The following NANS variants were observed in gnomAD, a reference collection of about 807,000 sequenced individuals.
The protein encoded by NANS is N-acetylneuraminate synthase, also known as N-acetylneuraminate-9-phosphate synthase.
A neutral mutation model predicts 33.3 loss-of-function variants in NANS; 29 were observed. The observed-to-expected ratio is 0.87, with a 90% CI of 0.65 to 1.19. The LOEUF (loss-of-function observed/expected upper bound fraction) is 1.19, where lower values mean the gene tolerates loss of function less well. Among genes scored for constraint, NANS ranks in the 50% most tolerant of loss-of-function variants. The probability of loss-of-function intolerance (pLI) is 0.00; values close to 1 mark genes in which losing one functional copy is unlikely to be tolerated. For missense variants in NANS, 394 were observed against 461.1 expected, an observed-to-expected ratio of 0.85 and a Z score of 1.33; for synonymous variants, 163 against 177.2, an observed-to-expected ratio of 0.92 and a Z score of 0.64.
chr9:98,080,460 G>T (rs988997939), intron 4 of NANS, among the ~76,000 whole-genome samples: 1 of 152,204 alleles, frequency 6.6e-6, no homozygotes, highest in Non-Finnish European at 1.5e-5. Flanking sequence ...AGCAGCTCAG[G>T]CTAATTAAAT....
intron 2 of NANS, among the ~76,000 whole-genome samples, chr9:98,065,248 A>G (rs957972271): frequency 2.0e-5 from 3 of 151,580 alleles, no homozygotes; most frequent in Non-Finnish European, 2.9e-5. Context: ...ACAGAGAATT[A>G]CAATGTTTAG....
In NANS at chr9:98,082,899, A is replaced by G. The variant is rs771389656; in HGVS notation, c.924A>G (p.Thr308=). ...KVKIPEGTIL[T]MDMLTVKVGE... ...AAATTCCGGAAGGCACCATTCTAACAATGGACATGCTCACCGTGAAGGTGG... is the reference window on the plus strand; with the variant it reads ...AAATTCCGGAAGGCACCATTCTAACGATGGACATGCTCACCGTGAAGGTGG... The change falls in exon 6 of 6, where the codon ACA becomes ACG. Residue 308 remains threonine (T), a synonymous_variant. Transcript: ENST00000210444. 18 of 1,614,048 alleles carry G rather than the reference A, an allele frequency of 1.1e-5. No individual in the cohort carries two copies. The East Asian group carries it at 2.7e-4, about 24-fold the overall frequency.
At chr9:98,076,865 C>A in intron 2 of NANS, 53 bp from the exon 3 acceptor site, 1 of 1,439,536 alleles carries the variant, frequency 6.9e-7, no homozygotes, top group Non-Finnish European at 9.7e-7. Flanking sequence ...CCTGTCATAA[C>A]AACAGTGTTT....
rs111627567 is a variant in NANS, at chr9:98,071,235, C to T, written c.349-5683C>T. On this transcript the variant is annotated intron_variant, in intron 2 of 5. Transcript: ENST00000210444. ...TATGATGGCACGACTGTATGGTACACACCTCAGCTGTATGGTACATACCCC... is the reference window on the plus strand; with the variant it reads ...TATGATGGCACGACTGTATGGTACATACCTCAGCTGTATGGTACATACCCC... Among the ~76,000 whole-genome samples, 862 of 152,328 alleles carry T rather than the reference C, an allele frequency of 5.7e-3. 5 individuals are homozygous for T. The highest frequency in any genetic ancestry group is 0.019 in the African/African-American group (775 of 41,576).
At chr9:98,077,078 C>T in intron 3 of NANS, 61 bp downstream of exon 3, 2 of 1,252,016 alleles carry the variant, frequency 1.6e-6, no homozygotes, top group Non-Finnish European at 2.2e-6. Context: ...TTTTTACTCC[C>T]CTCATGGTGG....
chr9:98,069,244 G>A (rs1399794869), intron 2 of NANS: 1 of 151,950 alleles, frequency 6.6e-6, no homozygotes, highest in African/African-American at 2.4e-5. Context: ...ATACCGTAGA[G>A]TACTACTCAG....
At chr9:98,080,496 T>C (rs1159969910) in intron 4 of NANS, among the ~76,000 whole-genome samples, 1 of 152,278 alleles carries the variant, frequency 6.6e-6, no homozygotes, top group Non-Finnish European at 1.5e-5. Context: ...TGAATGAGGT[T>C]AGACATTCAT....
At chr9:98,070,636 T>C (rs1829298741) in intron 2 of NANS, among the ~76,000 whole-genome samples, 3 of 151,898 alleles carry the variant, frequency 2.0e-5, no homozygotes, top group Admixed American at 2.0e-4. Context: ...GCCAGGCTGG[T>C]CTCAAACTCC....
At chr9:98,059,977 T>C (rs1420562805) in intron 1 of NANS, among the ~76,000 whole-genome samples, 1 of 152,196 alleles carries the variant, frequency 6.6e-6, no homozygotes, top group East Asian at 1.9e-4. Context: ...AGGGCCTCAT[T>C]AGGACAGTTT....
At chr9:98,061,090 C>A in intron 2 of NANS, 93 bp downstream of exon 2, 1 of 1,188,106 alleles carries the variant, frequency 8.4e-7, no homozygotes, top group South Asian at 1.3e-5. Context: ...ACCTCCAGCC[C>A]TTGCTCATCC....
intron 5 of NANS, chr9:98,081,471 T>G: frequency 1.1e-5 from 2 of 183,850 alleles, no homozygotes; most frequent in Non-Finnish European, 2.3e-5. Flanking sequence ...AGGCACGGTG[T>G]TCCCTGAGGT....
At chr9:98,065,554 GTC>G (rs1459486828) in intron 2 of NANS, among the ~76,000 whole-genome samples, 2 of 142,434 alleles carry the variant, frequency 1.4e-5, no homozygotes, top group African/African-American at 5.3e-5. Context: ...GGCCAGGCTG[GTC>G]TCGAACTCCT....
rs10606237 is a variant in NANS, at chr9:98,073,271, C to CTTTTTTTTT, written c.349-3624_349-3616dup. 2.9e-4 allele frequency among the ~76,000 whole-genome samples: 17 copies of CTTTTTTTTT among 57,848 alleles called. 1 individual carries two copies. Among genetic ancestry groups the CTTTTTTTTT allele is most frequent in the East Asian group, 1.4e-3 (2 of 1,448 alleles). 38.0% of individuals were successfully genotyped at this position (57,848 alleles called of 152,430 possible). A position where few individuals can be genotyped will look rare whatever the true frequency, so the allele number is the denominator to read the frequency against. On this transcript the variant is annotated intron_variant, in intron 2 of 5. Coordinates refer to ENST00000210444, the MANE Select transcript of NANS (RefSeq NM_018946.4). ...GTTCTCCCCAGCTCATCACCATGGG[C>CTTTTTTTTT]TTTTTTTTTTTTTTTTTTTTTTTTT...
chr9:98,067,887 A>T (rs1380496925), intron 2 of NANS, among the ~76,000 whole-genome samples: 1 of 151,952 alleles, frequency 6.6e-6, no homozygotes, highest in African/African-American at 2.4e-5. Flanking sequence ...AGACTCAGCT[A>T]ATTTTTGTAT....
chr9:98,076,937 A>G lies in NANS; in HGVS notation c.368A>G (p.His123Arg), dbSNP rs201197466. 1.9e-6 allele frequency: 3 copies of G among 1,612,180 alleles called. No homozygotes were observed. In the African/African-American group the frequency reaches 4.0e-5, roughly 22 times the overall value. Reference protein sequence around the residue: ...GMDEMAVEFLHELNVPFFKVG... With the variant: ...GMDEMAVEFLRELNVPFFKVG... ...TTGTAGATGGCAGTTGAATTCCTGCATGAACTGAATGTTCCATTTTTCAAA... is the reference window on the plus strand; with the variant it reads ...TTGTAGATGGCAGTTGAATTCCTGCGTGAACTGAATGTTCCATTTTTCAAA... Residue 123 changes from histidine (H) to arginine (R), a missense_variant, in exon 3 of 6, where the codon CAT (histidine) becomes CGT (arginine). By Grantham distance (29) the His-to-Arg change is conservative. Transcript: ENST00000210444.
intron 2 of NANS, among the ~76,000 whole-genome samples, chr9:98,067,367 G>A (rs1351791387): frequency 6.6e-6 from 1 of 152,182 alleles, no homozygotes. Flanking sequence ...ATTCCCGCCA[G>A]CAGGGTTTGA....
rs1357421733 is a variant in NANS, at chr9:98,060,875, T to C, written c.226T>C (p.Ser76Pro). ...ALERPYTSKH[S>P]WGKTYGEHKR... ...GGAGAGGCCATACACCTCGAAGCAT[T>C]CCTGGGGGAAGACGTACGGGGAGCA... Residue 76 changes from serine to proline, a missense_variant, in exon 2 of 6, where the codon TCC (serine) becomes CCC (proline). Transcript: ENST00000210444. 1.9e-6 allele frequency: 3 copies of C among 1,614,128 alleles called. No homozygotes were observed. Among genetic ancestry groups the C allele is most frequent in the Non-Finnish European group, 2.5e-6 (3 of 1,180,024 alleles).
At position 98,080,976 on chromosome 9, in the gene NANS, A is replaced by C. The variant is rs2118024967; in HGVS notation, c.764A>C (p.Glu255Ala). Reference sequence around the variant, plus strand: ...GGGAGTGACCACTCGGCCTCGCTGGAGCCTGGAGAACTGGCCGAGCTGGTG... The same window carrying C: ...GGGAGTGACCACTCGGCCTCGCTGGCGCCTGGAGAACTGGCCGAGCTGGTG... ...WKGSDHSASL[E>A]PGELAELVRS... is the part of the protein sequence containing the mutation. The change falls in exon 5 of 6, where the codon GAG (glutamate) becomes GCG (alanine). Residue 255 changes from glutamate to alanine, a missense_variant. Physicochemically the swap from Glu to Ala is moderately radical, Grantham distance 107. Coordinates refer to ENST00000210444, the MANE Select transcript of NANS (RefSeq NM_018946.4). 1 of 1,614,156 alleles carries C rather than the reference A, an allele frequency of 6.2e-7. No individual in the cohort carries two copies. Among genetic ancestry groups the C allele is most frequent in the South Asian group, 1.1e-5 (1 of 91,090 alleles).
At chr9:98,070,957 C>T (rs1480427575) in intron 2 of NANS, among the ~76,000 whole-genome samples, 1 of 151,492 alleles carries the variant, frequency 6.6e-6, no homozygotes, top group African/African-American at 2.4e-5. Context: ...GACTACAGGT[C>T]CATGCCACCA....
Sources: gnomAD v4.1 joint callset for allele counts (sites outside exome capture counted in the v4.1 genomes callset) on GRCh38, gnomAD v4.1.1 for gene constraint, MANE v1.5 for transcripts, NCBI Gene and HGNC (gene_info 2026-07-23, HGNC 2026-07-21) for gene names.